ZMIZ1: variants seen among roughly 807,000 people sequenced by gnomAD.
ZMIZ1 encodes the protein zinc finger MIZ domain-containing protein 1.
A neutral mutation model predicts 113.9 loss-of-function variants in ZMIZ1; 17 were observed. The observed-to-expected ratio is 0.15, with a 90% CI of 0.10 to 0.22. The LOEUF is 0.22. Ranked by LOEUF, ZMIZ1 falls within the 10% of genes least tolerant of loss-of-function variation. The pLI, the probability that ZMIZ1 is intolerant of heterozygous loss-of-function variation, is 1.00. For missense variants in ZMIZ1, 1,059 were observed against 1,477.8 expected (o/e 0.72, Z 4.65); for synonymous variants, 607 against 603.1 (o/e 1.01, Z -0.09).
rs369133879 is a variant in ZMIZ1, at chr10:79,267,373, G to A, written c.281-9808G>A. ...GAGCAATTTTCTACAGTACTTAGGT[G>A]GAGAAATGGAGCACCCTCTGCATCC... On this transcript the variant is annotated intron_variant, in intron 7 of 24. Transcript: ENST00000334512. Among the ~76,000 whole-genome samples the A allele has an allele frequency of 6.6e-5, 10 of 152,322 alleles. No individual in the cohort carries two copies. The East Asian group carries it at 1.9e-3, about 29-fold the overall frequency.
intron 7 of ZMIZ1, among the ~76,000 whole-genome samples, chr10:79,262,771 G>A (rs1424471432): frequency 1.3e-5 from 2 of 152,212 alleles, no homozygotes; most frequent in Non-Finnish European, 2.9e-5. Context: ...AGGGACCCCT[G>A]CAGCTGGGAA....
chr10:79,211,406 TG>T (rs1181635413), intron 6 of ZMIZ1, among the ~76,000 whole-genome samples: 1 of 151,530 alleles, frequency 6.6e-6, no homozygotes, highest in Non-Finnish European at 1.5e-5. Flanking sequence ...GGGACCTAGG[TG>T]GGGCAAGACA....
At chr10:79,115,816 G>C (rs1186778864) in intron 1 of ZMIZ1, among the ~76,000 whole-genome samples, 1 of 152,244 alleles carries the variant, frequency 6.6e-6, no homozygotes, top group Non-Finnish European at 1.5e-5. Flanking sequence ...AGGTTGGATG[G>C]GGGAGGGCTT....
At chr10:79,196,548 G>A (rs548984172) in intron 4 of ZMIZ1, among the ~76,000 whole-genome samples, 3 of 152,314 alleles carry the variant, frequency 2.0e-5, no homozygotes, top group East Asian at 1.9e-4. Context: ...TCCAGCCGCC[G>A]GCCTCCAGAC....
intron 19 of ZMIZ1, among the ~76,000 whole-genome samples, chr10:79,304,489 G>A (rs1225466325): frequency 6.6e-6 from 1 of 152,240 alleles, no homozygotes; most frequent in African/African-American, 2.4e-5. Flanking sequence ...CCACTGTCCA[G>A]TTCATGCCTC....
rs901710133 is a variant in ZMIZ1, at chr10:79,311,029, G to C, written c.2941G>C (p.Ala981Pro). The C allele has an allele frequency of 6.9e-5, 112 of 1,613,454 alleles. No homozygotes were observed. The highest frequency in any genetic ancestry group is 9.0e-5 in the Non-Finnish European group (106 of 1,179,926). The change falls in exon 24 of 25, where the codon GCT (alanine) becomes CCT (proline). Residue 981 changes from alanine to proline, a missense_variant. By Grantham distance (27) the Ala-to-Pro change is conservative. This residue lies in a region of ZMIZ1 where 225 missense variants were observed against 276.0 expected (regional missense o/e 0.82). Transcript: ENST00000334512. ...QSGPPLHHSG[A>P]PPPPPSQPPR... is the part of the protein sequence containing the mutation. The stretch of plus-strand genomic sequence containing the variant: ...AGGGCCTCCATTACATCACAGTGGG[G>C]CTCCTCCTCCTCCTCCTTCCCAGCC...
intron 1 of ZMIZ1, among the ~76,000 whole-genome samples, chr10:79,082,226 C>T (rs550177313): frequency 6.6e-6 from 1 of 152,362 alleles, no homozygotes; most frequent in African/African-American, 2.4e-5. Flanking sequence ...GCACTCGGTG[C>T]CTATGGTCTT....
At chr10:79,237,889 ACAGCTCGTCAGGGCCAC>A (rs1849657078) in intron 7 of ZMIZ1, among the ~76,000 whole-genome samples, 1 of 152,226 alleles carries the variant, frequency 6.6e-6, no homozygotes, top group Non-Finnish European at 1.5e-5. Context: ...TGAAAGCCTA[ACAGCTCGTCAGGGCCAC>A]CAGCTAGTCA....
intron 2 of ZMIZ1, among the ~76,000 whole-genome samples, chr10:79,126,238 G>C (rs1844506391): frequency 6.6e-6 from 1 of 152,216 alleles, no homozygotes; most frequent in Non-Finnish European, 1.5e-5. Flanking sequence ...AGGGCCTAGT[G>C]TGAGGCTTAT....
chr10:79,160,716 C>T (rs1300913904), intron 3 of ZMIZ1, among the ~76,000 whole-genome samples: 1 of 152,250 alleles, frequency 6.6e-6, no homozygotes, highest in Non-Finnish European at 1.5e-5. Flanking sequence ...CCTGCCTGTG[C>T]ACAGTGAGGT....
chr10:79,293,337 C>CTTTTTT, intron 11 of ZMIZ1, 44 bp from the exon 12 acceptor site: 1 of 1,350,504 alleles, frequency 7.4e-7, no homozygotes, highest in Non-Finnish European at 9.9e-7. Context: ...GCATTTTATT[C>CTTTTTT]TTTTTTTTTT....
chr10:79,286,183 G>A (rs1169602377), intron 8 of ZMIZ1, among the ~76,000 whole-genome samples: 1 of 152,238 alleles, frequency 6.6e-6, no homozygotes, highest in Non-Finnish European at 1.5e-5. Context: ...AACTGTGCTC[G>A]TCGGAGAGAA....
intron 1 of ZMIZ1, among the ~76,000 whole-genome samples, chr10:79,085,787 C>T (rs1022806907): frequency 2.6e-5 from 4 of 152,174 alleles, no homozygotes; most frequent in Admixed American, 6.5e-5. Context: ...AGTGCCTCTC[C>T]CTCTGTTTCT....
At chr10:79,311,240 GC>G in intron 24 of ZMIZ1, 56 bp downstream of exon 24, 1 of 1,292,410 alleles carries the variant, frequency 7.7e-7, no homozygotes. Context: ...GCCGGGACCT[GC>G]CCGAGAGAAG....
chr10:79,115,181 C>T (rs991499272), intron 1 of ZMIZ1, among the ~76,000 whole-genome samples: 19 of 152,278 alleles, frequency 1.2e-4, no homozygotes, highest in African/African-American at 4.3e-4. Flanking sequence ...GAGGTACTCA[C>T]CACCTCCCAA....
chr10:79,208,770 C>A (rs939315989), intron 6 of ZMIZ1, among the ~76,000 whole-genome samples: 1 of 150,788 alleles, frequency 6.6e-6, no homozygotes, highest in Non-Finnish European at 1.5e-5. Context: ...GGGTTTTCAG[C>A]CATTTTTTAT....
At chr10:79,070,293 C>G (rs554194797) in intron 1 of ZMIZ1, among the ~76,000 whole-genome samples, 1,787 of 151,906 alleles carry the variant, frequency 0.012, 19 homozygotes, top group Non-Finnish European at 0.013. Context: ...TCCAGGAAGC[C>G]GGCCGGGCGG....
intron 4 of ZMIZ1, among the ~76,000 whole-genome samples, chr10:79,189,898 G>T (rs1355495421): frequency 2.0e-5 from 3 of 152,306 alleles, no homozygotes; most frequent in Middle Eastern, 3.4e-3. Flanking sequence ...GGCCGAGGTG[G>T]CTCAGTCCCC....
chr10:79,246,588 G>A (rs1338780236), intron 7 of ZMIZ1, among the ~76,000 whole-genome samples: 2 of 152,082 alleles, frequency 1.3e-5, no homozygotes, highest in African/African-American at 4.8e-5. Context: ...GAAGGATTTC[G>A]GGACCTTTGA....
Sources: allele counts gnomAD v4.1 joint callset (sites outside exome capture counted in the v4.1 genomes callset), GRCh38; gene constraint gnomAD v4.1.1; regional missense constraint gnomAD v4.1.1; transcripts MANE v1.5; gene names NCBI Gene and HGNC (gene_info 2026-07-23, HGNC 2026-07-21).